GPHN: variants seen among roughly 807,000 people sequenced by gnomAD.
GPHN encodes the protein gephyrin.
Under a neutral mutation model 95.5 loss-of-function variants are expected in GPHN, and 17 were observed. The ratio of observed to expected loss-of-function variants is 0.18; its 90% CI spans 0.12 to 0.27. The LOEUF (loss-of-function observed/expected upper bound fraction) is 0.27. Among genes scored for constraint, GPHN ranks in the 10% least tolerant of loss-of-function variants. The pLI is 1.00. For missense variants in GPHN, 660 were observed against 978.1 expected, an observed-to-expected ratio of 0.67 and a Z score of 4.34; for synonymous variants, 320 against 322.5, an observed-to-expected ratio of 0.99 and a Z score of 0.08.
the GPHN span, among the ~76,000 whole-genome samples, chr14:67,256,095 C>T: frequency 1.3e-5 from 2 of 151,992 alleles, no homozygotes; most frequent in Admixed American, 1.3e-4. Flanking sequence ...GCAACACATA[C>T]TTTTTTTGTG....
chr14:67,073,782 A>G (rs1382870323), intron 11 of GPHN, among the ~76,000 whole-genome samples: 2 of 152,196 alleles, frequency 1.3e-5, no homozygotes, highest in Non-Finnish European at 2.9e-5. Flanking sequence ...TTGCCAGATA[A>G]TGAGCATCTT....
At chr14:66,638,987 C>T (rs1242574939) in intron 1 of GPHN, among the ~76,000 whole-genome samples, 4 of 152,030 alleles carry the variant, frequency 2.6e-5, no homozygotes, top group Non-Finnish European at 5.9e-5. Context: ...AGGACCTTAT[C>T]ACACAGTATT....
At chr14:66,832,311 A>C (rs2180448) in intron 4 of GPHN, among the ~76,000 whole-genome samples, 14,087 of 152,248 alleles carry the variant, frequency 0.093, 886 homozygotes, top group Non-Finnish European at 0.15. Flanking sequence ...TAATGCCTGT[A>C]ATCTTTGTAG....
At chr14:66,732,372 G>A (rs2071850980) in intron 2 of GPHN, among the ~76,000 whole-genome samples, 1 of 152,230 alleles carries the variant, frequency 6.6e-6, no homozygotes, top group South Asian at 2.1e-4. Flanking sequence ...TGGAGTCAGA[G>A]GAGATAAGCT....
the GPHN span, among the ~76,000 whole-genome samples, chr14:67,469,852 G>T: frequency 1.3e-5 from 2 of 152,140 alleles, no homozygotes; most frequent in Non-Finnish European, 2.9e-5. Flanking sequence ...CATGTCTTTG[G>T]GGGTACCCTC....
chr14:66,564,885 A>G (rs1381786551), intron 1 of GPHN, among the ~76,000 whole-genome samples: 2 of 152,170 alleles, frequency 1.3e-5, no homozygotes, highest in African/African-American at 4.8e-5. Context: ...GGTAGCCACT[A>G]TGAACCTGGA....
the GPHN span, among the ~76,000 whole-genome samples, chr14:67,513,355 G>C: frequency 5.3e-4 from 80 of 152,298 alleles, no homozygotes; most frequent in Admixed American, 1.4e-3. Context: ...TGCTTCTCTG[G>C]TGCAGTACCT....
chr14:66,605,621 C>G (rs1341329979), intron 1 of GPHN, among the ~76,000 whole-genome samples: 1 of 151,466 alleles, frequency 6.6e-6, no homozygotes, highest in East Asian at 1.9e-4. Flanking sequence ...TCTCTGCCCC[C>G]CAGGTTAACA....
chr14:66,509,958 A>G (rs1301090895), intron 1 of GPHN, among the ~76,000 whole-genome samples: 1 of 152,180 alleles, frequency 6.6e-6, no homozygotes, highest in Non-Finnish European at 1.5e-5. Flanking sequence ...TTTTAAGTAA[A>G]GGATTGCCTT....
chr14:66,837,838 T>C (rs990344137), intron 4 of GPHN, among the ~76,000 whole-genome samples: 1 of 151,902 alleles, frequency 6.6e-6, no homozygotes, highest in African/African-American at 2.4e-5. Context: ...ATATCCTAAT[T>C]GTATACCTAC....
At chr14:67,726,863 A>G in the GPHN span, 1 of 835,018 alleles carries the variant, frequency 1.2e-6, no homozygotes, top group Non-Finnish European at 2.0e-6. Flanking sequence ...TACTCATGGC[A>G]TCAAAATTGG....
At chr14:67,480,205 C>T in the GPHN span, among the ~76,000 whole-genome samples, 15 of 152,116 alleles carry the variant, frequency 9.9e-5, no homozygotes, top group East Asian at 5.8e-4. Context: ...GCCTCTTACC[C>T]GATGCAGGGT....
the GPHN span, among the ~76,000 whole-genome samples, chr14:67,374,862 C>G: frequency 4.6e-5 from 7 of 152,128 alleles, no homozygotes; most frequent in East Asian, 1.9e-4. Flanking sequence ...CCTCAGCCCT[C>G]CAAAGTGCTG....
chr14:66,800,343 G>A (rs554038024), intron 3 of GPHN, among the ~76,000 whole-genome samples: 6 of 152,000 alleles, frequency 3.9e-5, no homozygotes, highest in South Asian at 2.1e-4. Flanking sequence ...TTTTCTGATC[G>A]AAGTACTTCG....
intron 2 of GPHN, among the ~76,000 whole-genome samples, chr14:66,762,467 A>C (rs776876914): frequency 1.3e-5 from 2 of 152,048 alleles, no homozygotes; most frequent in African/African-American, 4.8e-5. Flanking sequence ...ATGGTGTAAA[A>C]TCTGAAGAAC....
chr14:66,978,270 G>GT (rs1378775395), intron 9 of GPHN, among the ~76,000 whole-genome samples: 1 of 152,146 alleles, frequency 6.6e-6, no homozygotes, highest in Non-Finnish European at 1.5e-5. Flanking sequence ...AATCAGACAA[G>GT]TTTGCCAGAT....
chr14:66,814,748 G>A (rs543275499), intron 3 of GPHN, among the ~76,000 whole-genome samples: 1 of 152,318 alleles, frequency 6.6e-6, no homozygotes, highest in Admixed American at 6.5e-5. Context: ...CAAAAAGCTA[G>A]AGTACCTTCT....
intron 18 of GPHN, among the ~76,000 whole-genome samples, chr14:67,152,210 C>T (rs1423198338): frequency 3.3e-5 from 5 of 152,164 alleles, no homozygotes; most frequent in South Asian, 4.1e-4. Flanking sequence ...ATTACCACTT[C>T]GTGTATAGCA....
intron 8 of GPHN, among the ~76,000 whole-genome samples, chr14:66,928,765 T>G (rs1244658940): frequency 2.0e-5 from 3 of 152,220 alleles, no homozygotes; most frequent in Non-Finnish European, 2.9e-5. Flanking sequence ...TCTTAATGTC[T>G]TCAGTGACCC....
Sources: gnomAD v4.1 joint callset for allele counts (sites outside exome capture counted in the v4.1 genomes callset) on GRCh38, gnomAD v4.1.1 for gene constraint, MANE v1.5 for transcripts, NCBI Gene and HGNC (gene_info 2026-07-23, HGNC 2026-07-21) for gene names.